KCTD8: variants seen among roughly 807,000 people sequenced by gnomAD.
KCTD8 encodes potassium channel tetramerization domain containing 8, also known as BTB/POZ domain-containing protein KCTD8.
A neutral mutation model predicts 31.5 loss-of-function variants in KCTD8; 27 were observed. The ratio of observed to expected loss-of-function variants is 0.86; its 90% CI spans 0.63 to 1.18. KCTD8 has a LOEUF of 1.18. Among genes scored for constraint, KCTD8 ranks in the 50% most tolerant of loss-of-function variants. KCTD8 has a pLI of 0.00. For missense variants in KCTD8, 658 were observed against 647.7 expected, an observed-to-expected ratio of 1.02 and a Z score of -0.17; for synonymous variants, 290 against 280.0, an observed-to-expected ratio of 1.04 and a Z score of -0.36.
chr4:44,240,964 A>T (rs1217048972), intron 1 of KCTD8, among the ~76,000 whole-genome samples: 4 of 152,218 alleles, frequency 2.6e-5, no homozygotes, highest in African/African-American at 9.6e-5. Flanking sequence ...TTCCTTCTCC[A>T]TGATCTCAGG....
At chr4:44,214,588 C>T (rs1275480447) in intron 1 of KCTD8, among the ~76,000 whole-genome samples, 4 of 152,046 alleles carry the variant, frequency 2.6e-5, no homozygotes, top group African/African-American at 9.7e-5. Context: ...AATGAAACCG[C>T]CTTTGCAAAA....
chr4:44,340,229 T>C (rs2172001), intron 1 of KCTD8, among the ~76,000 whole-genome samples: 2 of 151,736 alleles, frequency 1.3e-5, no homozygotes, highest in African/African-American at 2.4e-5. Context: ...CATATATCCA[T>C]ACAAAGAATT....
At chr4:44,287,368 T>G (rs1190895128) in intron 1 of KCTD8, among the ~76,000 whole-genome samples, 1 of 152,136 alleles carries the variant, frequency 6.6e-6, no homozygotes, top group East Asian at 1.9e-4. Context: ...TGATCATGTT[T>G]AAAGTAAATT....
At chr4:44,204,318 A>T (rs1177461586) in intron 1 of KCTD8, among the ~76,000 whole-genome samples, 1 of 152,190 alleles carries the variant, frequency 6.6e-6, no homozygotes, top group Non-Finnish European at 1.5e-5. Context: ...AATAAAAGGC[A>T]GAAATGAAAT....
At chr4:44,401,426 A>C (rs1466664430) in intron 1 of KCTD8, among the ~76,000 whole-genome samples, 1 of 152,158 alleles carries the variant, frequency 6.6e-6, no homozygotes, top group Admixed American at 6.5e-5. Context: ...ACAGGCCAAA[A>C]GTCTGTGAAC....
chr4:44,282,419 C>T lies in KCTD8; in HGVS notation c.962-107169G>A, dbSNP rs1716927527. On this transcript the variant is annotated intron_variant, in intron 1 of 1. Coordinates refer to ENST00000360029, the MANE Select transcript of KCTD8 (RefSeq NM_198353.3). The stretch of plus-strand genomic sequence containing the variant: ...ATGTGTGTTCTCCATCTCTCTCCCT[C>T]CCCATGAGCCTCCCCATTCCTGAGG... 2.0e-5 allele frequency among the ~76,000 whole-genome samples: 3 copies of T among 152,154 alleles called. No homozygotes were observed. The South Asian group carries it at 6.2e-4, about 31-fold the overall frequency.
intron 1 of KCTD8, among the ~76,000 whole-genome samples, chr4:44,435,775 C>T (rs1291770438): frequency 2.0e-5 from 3 of 152,066 alleles, no homozygotes; most frequent in Admixed American, 1.3e-4. Flanking sequence ...GATGTGCCTG[C>T]TGTATACTAG....
chr4:44,234,960 C>A (rs1489980124), intron 1 of KCTD8, among the ~76,000 whole-genome samples: 1 of 152,080 alleles, frequency 6.6e-6, no homozygotes, highest in African/African-American at 2.4e-5. Flanking sequence ...TCTGGAACCA[C>A]AGCATAAAGA....
intron 1 of KCTD8, among the ~76,000 whole-genome samples, chr4:44,406,694 G>C (rs988431752): frequency 6.6e-6 from 1 of 152,028 alleles, no homozygotes; most frequent in African/African-American, 2.4e-5. Flanking sequence ...GAATCCAGGA[G>C]CATAAATTTC....
At chr4:44,379,591 T>C (rs965705917) in intron 1 of KCTD8, among the ~76,000 whole-genome samples, 1 of 152,072 alleles carries the variant, frequency 6.6e-6, no homozygotes, top group African/African-American at 2.4e-5. Flanking sequence ...CATGCACATA[T>C]GCATGAAAGG....
chr4:44,194,120 C>G (rs16856791), intron 1 of KCTD8, among the ~76,000 whole-genome samples: 4,906 of 152,052 alleles, frequency 0.032, 267 homozygotes, highest in African/African-American at 0.11. Context: ...ACATTTAAGA[C>G]CAAACTTTTC....
chr4:44,332,783 A>T (rs73175212), intron 1 of KCTD8, among the ~76,000 whole-genome samples: 3,901 of 152,156 alleles, frequency 0.026, 186 homozygotes, highest in African/African-American at 0.089. Context: ...CCATTTTTAT[A>T]GTACCATATA....
intron 1 of KCTD8, among the ~76,000 whole-genome samples, chr4:44,249,724 T>C (rs1715769821): frequency 6.6e-6 from 1 of 151,620 alleles, no homozygotes; most frequent in African/African-American, 2.4e-5. Context: ...TAGTATTTTG[T>C]CATATTCTCT....
chr4:44,270,943 A>G (rs75219599), intron 1 of KCTD8, among the ~76,000 whole-genome samples: 1 of 151,980 alleles, frequency 6.6e-6, no homozygotes, highest in Non-Finnish European at 1.5e-5. Flanking sequence ...TCATTCCTAC[A>G]TTCGTTTCAT....
Position 44,328,313 on chromosome 4 carries a change from C to T in KCTD8, c.961+119250G>A, listed in dbSNP as rs549613670. 2.9e-4 allele frequency among the ~76,000 whole-genome samples: 44 copies of T among 152,010 alleles called. No homozygotes were observed. In the South Asian group the frequency reaches 8.9e-3, roughly 31 times the overall value. ...TTGTTGACAGCATGGGTAACCATGT[C>T]GTAATTGACTTACTATATTTTTAAA... is the stretch of plus-strand genomic sequence containing the variant. On this transcript the variant is annotated intron_variant, in intron 1 of 1. Coordinates refer to ENST00000360029, the MANE Select transcript of KCTD8 (RefSeq NM_198353.3).
At chr4:44,364,908 G>A (rs973607471) in intron 1 of KCTD8, among the ~76,000 whole-genome samples, 7 of 151,958 alleles carry the variant, frequency 4.6e-5, no homozygotes, top group Admixed American at 3.9e-4. Context: ...CAGGCAGGGA[G>A]TGAGGGAAGA....
At chr4:44,185,275 A>G (rs1369726294) in intron 1 of KCTD8, among the ~76,000 whole-genome samples, 1 of 152,156 alleles carries the variant, frequency 6.6e-6, no homozygotes, top group Non-Finnish European at 1.5e-5. Flanking sequence ...GAATCTATCT[A>G]TTCATCTCTG....
chr4:44,384,587 A>G (rs1450469693), intron 1 of KCTD8, among the ~76,000 whole-genome samples: 3 of 151,864 alleles, frequency 2.0e-5, no homozygotes, highest in Admixed American at 6.6e-5. Context: ...TTGCTCTCAT[A>G]TAAGTAGAGA....
intron 1 of KCTD8, among the ~76,000 whole-genome samples, chr4:44,345,502 T>C (rs1164364421): frequency 6.6e-6 from 1 of 152,084 alleles, no homozygotes; most frequent in Non-Finnish European, 1.5e-5. Flanking sequence ...AAATAAACCA[T>C]AGATCCCAGC....
Sources: gnomAD v4.1 joint callset for allele counts (sites outside exome capture counted in the v4.1 genomes callset) on GRCh38, gnomAD v4.1.1 for gene constraint, MANE v1.5 for transcripts, NCBI Gene and HGNC (gene_info 2026-07-23, HGNC 2026-07-21) for gene names.